DCUN1D4: variants seen among roughly 807,000 people sequenced by gnomAD.
DCUN1D4 encodes defective in cullin neddylation 1 domain containing 4.
DCUN1D4 carries 22 observed loss-of-function variants against 47.9 expected under a neutral mutation model. The ratio of observed to expected loss-of-function variants is 0.46; its 90% CI spans 0.33 to 0.66. The LOEUF (loss-of-function observed/expected upper bound fraction) is 0.66. Among genes scored for constraint, DCUN1D4 ranks in the 30% least tolerant of loss-of-function variants. DCUN1D4 has a pLI of 0.02. For missense variants in DCUN1D4, 301 were observed against 340.8 expected (o/e 0.88, Z 0.92); for synonymous variants, 121 against 112.2 (o/e 1.08, Z -0.50).
intron 4 of DCUN1D4, 103 bp from the exon 5 acceptor site, chr4:51,877,660 T>C: frequency 2.8e-6 from 2 of 716,866 alleles, no homozygotes; most frequent in Non-Finnish European, 4.7e-6. Context: ...CTTAAAATAC[T>C]GATTGAATAG....
intron 3 of DCUN1D4, among the ~76,000 whole-genome samples, chr4:51,868,604 T>C (rs529403285): frequency 2.0e-5 from 3 of 152,328 alleles, no homozygotes; most frequent in South Asian, 2.1e-4. Flanking sequence ...AGTTGAGTCA[T>C]TGTAGTACTT....
At chr4:51,857,620 G>A (rs1431196851) in intron 1 of DCUN1D4, among the ~76,000 whole-genome samples, 4 of 152,186 alleles carry the variant, frequency 2.6e-5, no homozygotes, top group Admixed American at 2.0e-4. Flanking sequence ...GATTAGAATT[G>A]ATGCTGCTGG....
At chr4:51,859,764 T>C (rs1724745809) in intron 1 of DCUN1D4, among the ~76,000 whole-genome samples, 1 of 151,924 alleles carries the variant, frequency 6.6e-6, no homozygotes, top group Non-Finnish European at 1.5e-5. Context: ...TGTGCCTTTG[T>C]AGAGCTGATT....
chr4:51,871,318 TGTTA>T (rs1186814730), intron 3 of DCUN1D4, among the ~76,000 whole-genome samples: 1 of 152,152 alleles, frequency 6.6e-6, no homozygotes, highest in Non-Finnish European at 1.5e-5. Context: ...AAGCTGAAAA[TGTTA>T]GTTAACTTAT....
chr4:51,846,270 T>G (rs1722533737), intron 1 of DCUN1D4, among the ~76,000 whole-genome samples: 1 of 152,200 alleles, frequency 6.6e-6, no homozygotes, highest in Admixed American at 6.5e-5. Context: ...GCTGTGCATT[T>G]AAACAGATGT....
chr4:51,911,200 G>A, intron 9 of DCUN1D4, 26 bp downstream of exon 9: 1 of 1,583,430 alleles, frequency 6.3e-7, no homozygotes, highest in Non-Finnish European at 8.6e-7. Flanking sequence ...TTTATGAAAT[G>A]TATGTTTGCT....
intron 1 of DCUN1D4, among the ~76,000 whole-genome samples, chr4:51,847,237 G>A (rs1207056966): frequency 6.6e-6 from 1 of 152,114 alleles, no homozygotes; most frequent in Non-Finnish European, 1.5e-5. Context: ...TTTATTTTCT[G>A]CCTTATTCTA....
upstream of DCUN1D4, among the ~76,000 whole-genome samples, chr4:51,842,608 C>T (rs1194078308): frequency 1.3e-5 from 2 of 152,210 alleles, no homozygotes; most frequent in Non-Finnish European, 1.5e-5. Flanking sequence ...AGTCCGAGTT[C>T]GGCGCGAACT....
At chr4:51,846,929 A>G (rs1722640196) in intron 1 of DCUN1D4, among the ~76,000 whole-genome samples, 1 of 152,280 alleles carries the variant, frequency 6.6e-6, no homozygotes, top group Admixed American at 6.5e-5. Flanking sequence ...GAAAGCAGGG[A>G]AGGAAGGTGC....
chr4:51,855,365 T>A (rs1296237012), intron 1 of DCUN1D4, among the ~76,000 whole-genome samples: 1 of 152,216 alleles, frequency 6.6e-6, no homozygotes, highest in Non-Finnish European at 1.5e-5. Context: ...AATGAGTGAA[T>A]TCCATGCTAT....
chr4:51,898,743 A>G (rs1475313666), intron 7 of DCUN1D4, among the ~76,000 whole-genome samples: 4 of 152,230 alleles, frequency 2.6e-5, no homozygotes, highest in Non-Finnish European at 5.9e-5. Context: ...TCCAAAAATG[A>G]CATTGTCAAG....
rs951162667 is a variant in DCUN1D4, at chr4:51,915,504, T to C, written c.*1920T>C. The C allele has an allele frequency of 6.6e-6, 1 of 152,470 alleles. No homozygotes were observed. Among genetic ancestry groups the C allele is most frequent in the East Asian group, 1.9e-4 (1 of 5,196 alleles). 9.4% of individuals were successfully genotyped at this position (152,470 alleles called of 1,614,324 possible). ...TACTGATGTGATGGATGCATTTGTTTTGCAGTGGTGACTGGCCTAGGCAGG... is the reference window on the plus strand; with the variant it reads ...TACTGATGTGATGGATGCATTTGTTCTGCAGTGGTGACTGGCCTAGGCAGG... On this transcript the variant is annotated 3_prime_UTR_variant, in exon 11 of 11. Transcript: ENST00000334635.
chr4:51,846,830 C>CTAT (rs1722626462), intron 1 of DCUN1D4, among the ~76,000 whole-genome samples: 1 of 152,098 alleles, frequency 6.6e-6, no homozygotes, highest in Non-Finnish European at 1.5e-5. Context: ...TTTTCTTCTT[C>CTAT]TATTAGTGTT....
At chr4:51,846,210 C>T (rs1722526596) in intron 1 of DCUN1D4, among the ~76,000 whole-genome samples, 1 of 152,120 alleles carries the variant, frequency 6.6e-6, no homozygotes, top group South Asian at 2.1e-4. Flanking sequence ...TTTTAGGTTC[C>T]TTTTTGATTT....
chr4:51,913,217 C>G (rs997917971), intron 9 of DCUN1D4, 73 bp from the exon 10 acceptor site: 7 of 928,588 alleles, frequency 7.5e-6, no homozygotes, highest in South Asian at 3.4e-5. Flanking sequence ...TAAGTTGATT[C>G]ATAAAGCAAT....
At chr4:51,899,429 T>C in intron 8 of DCUN1D4, 51 bp downstream of exon 8, 5 of 1,536,440 alleles carry the variant, frequency 3.3e-6, no homozygotes, top group Non-Finnish European at 4.4e-6. Flanking sequence ...CCTCCCCTTT[T>C]TAAATTGCCT....
intron 3 of DCUN1D4, among the ~76,000 whole-genome samples, chr4:51,865,966 A>G (rs1725840075): frequency 6.6e-6 from 1 of 152,158 alleles, no homozygotes; most frequent in African/African-American, 2.4e-5. Flanking sequence ...GCTCCACTGC[A>G]GGCAGATCTG....
chr4:51,848,160 AAGTC>A (rs1172053840), intron 1 of DCUN1D4: 2 of 1,270,886 alleles, frequency 1.6e-6, no homozygotes, highest in African/African-American at 1.6e-5. Flanking sequence ...TTTTTAGACA[AAGTC>A]AGTTGTATGC....
rs1297828048 is a variant in DCUN1D4, at chr4:51,843,159, G to C, written c.-84G>C. 31 of 1,523,206 alleles carry C rather than the reference G, an allele frequency of 2.0e-5. No homozygotes were observed. Among genetic ancestry groups the C allele is most frequent in the South Asian group, 1.3e-4 (11 of 81,484 alleles). The allele number at this position is 1,523,206 out of a possible 1,614,324, so 94.4% of individuals were successfully genotyped here. ...TGCCCGGCGGCGGGTCCTCAGCTTCGAGCCGAGGTGCAGTGAGCTGGTGGG... is the reference window on the plus strand; with the variant it reads ...TGCCCGGCGGCGGGTCCTCAGCTTCCAGCCGAGGTGCAGTGAGCTGGTGGG... On this transcript the variant is annotated 5_prime_UTR_variant, in exon 1 of 11. Transcript: ENST00000334635.
Sources: gnomAD v4.1 joint callset for allele counts (sites outside exome capture counted in the v4.1 genomes callset) on GRCh38, gnomAD v4.1.1 for gene constraint, MANE v1.5 for transcripts, NCBI Gene and HGNC (gene_info 2026-07-23, HGNC 2026-07-21) for gene names.